Variants in CHKA observed in about 807,000 individuals in gnomAD.
The protein encoded by CHKA is CHETK-alpha.
A neutral mutation model predicts 60.1 loss-of-function variants in CHKA; 34 were observed. The observed-to-expected ratio is 0.57, with a 90% CI of 0.43 to 0.75. CHKA has a LOEUF of 0.75. Among genes scored for constraint, CHKA ranks in the 30% least tolerant of loss-of-function variants. The probability of loss-of-function intolerance (pLI) is 0.00; values close to 1 mark genes in which losing one functional copy is unlikely to be tolerated. For missense variants in CHKA, 563 were observed against 561.3 expected (o/e 1.00, Z -0.03); for synonymous variants, 217 against 223.1 (o/e 0.97, Z 0.24).
chr11:68,062,794 C>A (rs1469191774), intron 10 of CHKA, among the ~76,000 whole-genome samples: 1 of 152,140 alleles, frequency 6.6e-6, no homozygotes, highest in Non-Finnish European at 1.5e-5. Flanking sequence ...TCCACCAGTT[C>A]AAGAAACAGA....
At chr11:68,114,256 A>G (rs1183376790) in intron 1 of CHKA, among the ~76,000 whole-genome samples, 4 of 152,228 alleles carry the variant, frequency 2.6e-5, no homozygotes, top group Non-Finnish European at 5.9e-5. Context: ...CCTACACACA[A>G]ATGTTTAGAG....
intron 7 of CHKA, among the ~76,000 whole-genome samples, chr11:68,068,643 C>G (rs1431634288): frequency 2.6e-5 from 4 of 152,048 alleles, no homozygotes; most frequent in Non-Finnish European, 5.9e-5. Flanking sequence ...GTCTAGAACT[C>G]CTGGGCTCAA....
At chr11:68,092,589 T>A (rs56907094) in intron 2 of CHKA, among the ~76,000 whole-genome samples, 3,413 of 152,318 alleles carry the variant, frequency 0.022, 127 homozygotes, top group African/African-American at 0.077. Flanking sequence ...TGTTCTCTAC[T>A]TTGCTTCTTT....
intron 1 of CHKA, among the ~76,000 whole-genome samples, chr11:68,116,236 T>A (rs1565197150): frequency 6.6e-6 from 1 of 152,186 alleles, no homozygotes; most frequent in African/African-American, 2.4e-5. Context: ...GATTTTAAAC[T>A]TCATTTCACA....
At chr11:68,059,402 C>T (rs1856140964) in intron 11 of CHKA, among the ~76,000 whole-genome samples, 1 of 152,102 alleles carries the variant, frequency 6.6e-6, no homozygotes, top group Non-Finnish European at 1.5e-5. Context: ...GCCTTGCATT[C>T]CAGGGATAAA....
chr11:68,065,949 C>A (rs568005776), intron 8 of CHKA, 55 bp from the exon 9 acceptor site: 2 of 1,251,682 alleles, frequency 1.6e-6, no homozygotes, highest in Non-Finnish European at 1.1e-6. Context: ...TGCCTGGAGG[C>A]TCCCTGACTG....
At chr11:68,101,737 G>C (rs1857734102) in intron 1 of CHKA, among the ~76,000 whole-genome samples, 1 of 151,932 alleles carries the variant, frequency 6.6e-6, no homozygotes, top group Non-Finnish European at 1.5e-5. Context: ...ATATTGATCA[G>C]AGAAACTGAA....
At chr11:68,106,687 G>A (rs1055761768) in intron 1 of CHKA, among the ~76,000 whole-genome samples, 4 of 152,268 alleles carry the variant, frequency 2.6e-5, no homozygotes, top group African/African-American at 7.2e-5. Flanking sequence ...AAGTTTCTGC[G>A]AAAATTACAT....
rs978432006 is a variant in CHKA at position 68,074,936 on chromosome 11, T to C, written c.517-106A>G. The stretch of plus-strand genomic sequence containing the variant: ...TTCATCTGATCCTCATGAGTATTCT[T>C]TCACGTGGGCACTACTGTTATCATC... On this transcript the variant is annotated intron_variant, in intron 3 of 11. Transcript: ENST00000265689. The C allele has an allele frequency of 2.7e-5, 26 of 954,516 alleles. No homozygotes were observed. The African/African-American group carries it at 3.9e-4, about 14-fold the overall frequency. 59.1% of individuals were successfully genotyped at this position (954,516 alleles called of 1,614,324 possible). A position where few individuals can be genotyped will look rare whatever the true frequency, so the allele number is the denominator to read the frequency against.
At chr11:68,107,401 T>C (rs563116937) in intron 1 of CHKA, among the ~76,000 whole-genome samples, 1 of 152,278 alleles carries the variant, frequency 6.6e-6, no homozygotes, top group South Asian at 2.1e-4. Flanking sequence ...TCTAACTTGA[T>C]TCCCAACTTA....
At chr11:68,064,680 A>G in intron 9 of CHKA, 49 bp from the exon 10 acceptor site, 1 of 1,098,640 alleles carries the variant, frequency 9.1e-7, no homozygotes, top group Non-Finnish European at 1.4e-6. Context: ...AAAATAGACA[A>G]TGTCAATAGC....
intron 1 of CHKA, among the ~76,000 whole-genome samples, chr11:68,113,081 CAAAAAAAAAAAAAAAA>C (rs71040587): frequency 0.34 from 5,035 of 14,754 alleles, 241 homozygotes; most frequent in Middle Eastern, 0.5. Context: ...GACTCCGTCT[CAAAAAAAAAAAAAAAA>C]AAAAAAAAAA....
At chr11:68,112,367 C>A (rs1005949418) in intron 1 of CHKA, among the ~76,000 whole-genome samples, 9 of 152,176 alleles carry the variant, frequency 5.9e-5, no homozygotes, top group Admixed American at 6.5e-5. Flanking sequence ...AGCGATTCTT[C>A]CTGCCTTAGC....
intron 3 of CHKA, among the ~76,000 whole-genome samples, chr11:68,075,929 T>C (rs1344372342): frequency 1.3e-5 from 2 of 152,110 alleles, no homozygotes; most frequent in Admixed American, 1.3e-4. Context: ...AGGAACATGA[T>C]CCCAGAGAAA....
intron 1 of CHKA, among the ~76,000 whole-genome samples, chr11:68,098,576 T>C (rs895755979): frequency 3.9e-5 from 6 of 152,230 alleles, no homozygotes; most frequent in Non-Finnish European, 7.3e-5. Context: ...TGGAGACGGA[T>C]GGTGGTGATG....
At chr11:68,108,265 G>GC (rs1310889118) in intron 1 of CHKA, among the ~76,000 whole-genome samples, 1 of 152,112 alleles carries the variant, frequency 6.6e-6, no homozygotes, top group African/African-American at 2.4e-5. Flanking sequence ...CTGCAGTTGA[G>GC]CTATGATCCC....
intron 7 of CHKA, among the ~76,000 whole-genome samples, chr11:68,066,756 C>T (rs1023452369): frequency 6.6e-6 from 1 of 152,222 alleles, no homozygotes; most frequent in Non-Finnish European, 1.5e-5. Context: ...CCCTAGTCCT[C>T]GCCAGACCCC....
At chr11:68,084,446 A>T (rs1016409090) in intron 2 of CHKA, among the ~76,000 whole-genome samples, 1 of 140,904 alleles carries the variant, frequency 7.1e-6, no homozygotes, top group African/African-American at 2.6e-5. Context: ...ACGTATATAT[A>T]TGTGTGTATA....
At chr11:68,070,961 G>A (rs767519579) in intron 4 of CHKA, 104 bp from the exon 5 acceptor site, 32 of 1,152,442 alleles carry the variant, frequency 2.8e-5, no homozygotes, top group Non-Finnish European at 3.9e-5. Flanking sequence ...GTGCATTTAA[G>A]TCTCACCCAA....
Sources: gnomAD v4.1 joint callset for allele counts (sites outside exome capture counted in the v4.1 genomes callset) on GRCh38, gnomAD v4.1.1 for gene constraint, MANE v1.5 for transcripts, NCBI Gene and HGNC (gene_info 2026-07-23, HGNC 2026-07-21) for gene names.